Variants in ANAPC1 observed in about 807,000 individuals in gnomAD.
ANAPC1 encodes anaphase promoting complex subunit 1.
A neutral mutation model predicts 208.0 loss-of-function variants in ANAPC1; 36 were observed. The observed-to-expected ratio is 0.17, with a 90% CI of 0.13 to 0.23. The LOEUF is 0.23. Among genes scored for constraint, ANAPC1 ranks in the 10% least tolerant of loss-of-function variants. ANAPC1 has a pLI of 1.00. For missense variants in ANAPC1, 942 were observed against 2,011.6 expected (o/e 0.47, Z 10.17); for synonymous variants, 378 against 695.2 (o/e 0.54, Z 7.18).
chr2:111,773,501 A>C (rs1038060402), intron 46 of ANAPC1, among the ~76,000 whole-genome samples: 16 of 152,146 alleles, frequency 1.1e-4, no homozygotes, highest in African/African-American at 2.9e-4. Context: ...TTACTGTTTA[A>C]AGGCAGGTTA....
chr2:111,829,854 G>C (rs997417695), intron 21 of ANAPC1, among the ~76,000 whole-genome samples: 5 of 152,110 alleles, frequency 3.3e-5, no homozygotes, highest in Admixed American at 1.3e-4. Context: ...CGGATCACTT[G>C]AGGTTGAAAG....
At chr2:111,830,114 G>A (rs776843394) in intron 21 of ANAPC1, among the ~76,000 whole-genome samples, 57 of 152,170 alleles carry the variant, frequency 3.7e-4, no homozygotes, top group Non-Finnish European at 7.2e-4. Context: ...GGCAAGAAGA[G>A]TAATGAAGGG....
intron 13 of ANAPC1, among the ~76,000 whole-genome samples, chr2:111,855,165 G>A (rs1186679773): frequency 6.6e-6 from 1 of 152,108 alleles, no homozygotes; most frequent in Non-Finnish European, 1.5e-5. Flanking sequence ...GACAGGAAAG[G>A]GGTCAAATGA....
At chr2:111,868,784 C>T (rs1322591501) in intron 6 of ANAPC1, among the ~76,000 whole-genome samples, 2 of 152,218 alleles carry the variant, frequency 1.3e-5, no homozygotes, top group African/African-American at 2.4e-5. Context: ...CCACCTGCCT[C>T]GGCCTCCCAG....
chr2:111,873,708 A>G (rs1334704800), intron 3 of ANAPC1, 44 bp from the exon 4 acceptor site: 14 of 1,527,992 alleles, frequency 9.2e-6, no homozygotes, highest in Non-Finnish European at 1.2e-5. Context: ...TTATATCTAA[A>G]TAATCATCTA....
intron 3 of ANAPC1, among the ~76,000 whole-genome samples, chr2:111,878,574 T>G (rs1045842091): frequency 1.5e-4 from 23 of 152,194 alleles, no homozygotes; most frequent in Non-Finnish European, 2.8e-4. Context: ...GACAGAGTGT[T>G]TAAAGATTAC....
chr2:111,800,131 T>C (rs2104555397), intron 34 of ANAPC1, among the ~76,000 whole-genome samples: 1 of 120,642 alleles, frequency 8.3e-6, no homozygotes, highest in Non-Finnish European at 1.8e-5. Flanking sequence ...AATAGATAAG[T>C]GGATAGATAA....
intron 13 of ANAPC1, among the ~76,000 whole-genome samples, chr2:111,852,025 C>T (rs1681431439): frequency 6.6e-6 from 1 of 151,622 alleles, no homozygotes. Flanking sequence ...GAAGTTGCCC[C>T]AATAAAATCC....
intron 9 of ANAPC1, among the ~76,000 whole-genome samples, chr2:111,863,305 G>A (rs1277004840): frequency 2.0e-5 from 3 of 151,274 alleles, no homozygotes; most frequent in East Asian, 3.9e-4. Context: ...TCAGGAGATC[G>A]AGACCATCCT....
intron 17 of ANAPC1, among the ~76,000 whole-genome samples, chr2:111,842,502 G>A (rs1332028154): frequency 6.6e-6 from 1 of 152,062 alleles, no homozygotes; most frequent in East Asian, 1.9e-4. Context: ...AATCAGCCAG[G>A]CGTGGTGGCG....
intron 13 of ANAPC1, among the ~76,000 whole-genome samples, chr2:111,853,293 G>A (rs1391475719): frequency 1.3e-5 from 2 of 152,010 alleles, no homozygotes; most frequent in African/African-American, 4.8e-5. Flanking sequence ...AATCTCTTCC[G>A]CTAGTCTCTG....
At chr2:111,875,950 T>C (rs1221426005) in intron 3 of ANAPC1, among the ~76,000 whole-genome samples, 1 of 152,192 alleles carries the variant, frequency 6.6e-6, no homozygotes, top group Non-Finnish European at 1.5e-5. Context: ...CATCACTCTG[T>C]GGACAGGTAG....
At chr2:111,781,585 A>T (rs1309624570) in intron 43 of ANAPC1, among the ~76,000 whole-genome samples, 1 of 152,288 alleles carries the variant, frequency 6.6e-6, no homozygotes, top group Non-Finnish European at 1.5e-5. Context: ...GCTGCCACTC[A>T]TCCAGTCCGC....
At chr2:111,827,915 A>G (rs937217845) in intron 21 of ANAPC1, among the ~76,000 whole-genome samples, 8 of 152,312 alleles carry the variant, frequency 5.3e-5, no homozygotes, top group Admixed American at 2.6e-4. Context: ...AACAAGTTAT[A>G]AAGGAATACG....
chr2:111,813,328 C>T (rs1053751686), intron 28 of ANAPC1, among the ~76,000 whole-genome samples: 2 of 150,384 alleles, frequency 1.3e-5, no homozygotes, highest in Admixed American at 1.3e-4. Context: ...TTAATCATAC[C>T]TGAAAGCCCG....
At chr2:111,830,950 C>T (rs548712841) in intron 21 of ANAPC1, among the ~76,000 whole-genome samples, 24 of 152,328 alleles carry the variant, frequency 1.6e-4, no homozygotes, top group African/African-American at 5.8e-4. Context: ...TGAATGCTGA[C>T]AGCATCTATA....
intron 19 of ANAPC1, among the ~76,000 whole-genome samples, chr2:111,833,845 T>G (rs1680323495): frequency 6.6e-6 from 1 of 152,168 alleles, no homozygotes; most frequent in African/African-American, 2.4e-5. Flanking sequence ...GTCTCAGGAT[T>G]GAATTTCAAG....
chr2:111,791,426 C>G (rs1326567457), intron 38 of ANAPC1, among the ~76,000 whole-genome samples: 3 of 149,834 alleles, frequency 2.0e-5, no homozygotes, highest in Non-Finnish European at 4.4e-5. Flanking sequence ...CAATTCCACA[C>G]AGTTCTATAT....
chr2:111,860,921 TAATC>T, intron 10 of ANAPC1, among the ~76,000 whole-genome samples: 1 of 130,460 alleles, frequency 7.7e-6, no homozygotes, highest in African/African-American at 2.6e-5. Flanking sequence ...TCTTCAATTC[TAATC>T]TAATTCTCTT....
Sources: gnomAD v4.1 joint callset for allele counts (sites outside exome capture counted in the v4.1 genomes callset) on GRCh38, gnomAD v4.1.1 for gene constraint, MANE v1.5 for transcripts, NCBI Gene and HGNC (gene_info 2026-07-23, HGNC 2026-07-21) for gene names.